SLC37A1: variants seen among roughly 807,000 people sequenced by gnomAD.
SLC37A1 encodes solute carrier family 37 member 1.
In SLC37A1, 49 loss-of-function variants were observed where a neutral mutation model predicts 75.3. The ratio of observed to expected loss-of-function variants is 0.65; its 90% CI spans 0.52 to 0.83. SLC37A1 has a LOEUF of 0.83. SLC37A1 is among the 40% of genes least tolerant of loss of function. The pLI is 0.00. For missense variants in SLC37A1, 566 were observed against 695.0 expected, an observed-to-expected ratio of 0.81 and a Z score of 2.09; for synonymous variants, 268 against 292.1, an observed-to-expected ratio of 0.92 and a Z score of 0.84.
intron 2 of SLC37A1, among the ~76,000 whole-genome samples, chr21:42,524,610 A>G (rs1010052043): frequency 6.6e-6 from 1 of 152,248 alleles, no homozygotes; most frequent in Non-Finnish European, 1.5e-5. Flanking sequence ...TGCCCAGGAT[A>G]GCAGGCTACG....
Position 42,547,197 on chromosome 21 carries a change from C to T in SLC37A1, c.768+57C>T. 1.3e-6 allele frequency: 2 copies of T among 1,592,768 alleles called. No individual in the cohort carries two copies. Among genetic ancestry groups the T allele is most frequent in the Admixed American group, 1.7e-5 (1 of 59,978 alleles). ...AACAGTGTGCGGTTCTGACCACTTC[C>T]CCAGCCTGCTCCTGCCTGTGCGGTG... On this transcript the variant is annotated intron_variant, in intron 9 of 19. Coordinates refer to ENST00000352133, the MANE Select transcript of SLC37A1 (RefSeq NM_001320537.2). The surrounding 1 kb of genome is among the most constrained non-coding windows in gnomAD (Gnocchi z 6.1).
intron 6 of SLC37A1, among the ~76,000 whole-genome samples, chr21:42,540,234 A>T (rs1322932473): frequency 6.6e-6 from 1 of 152,246 alleles, no homozygotes; most frequent in East Asian, 1.9e-4. Flanking sequence ...GTCTGTCCAC[A>T]GTGAGGGGTT....
chr21:42,506,859 G>A (rs1473892248), intron 2 of SLC37A1, among the ~76,000 whole-genome samples: 1 of 152,052 alleles, frequency 6.6e-6, no homozygotes, highest in Non-Finnish European at 1.5e-5. Flanking sequence ...TAATATTCAG[G>A]AAAGAATATC....
intron 17 of SLC37A1, among the ~76,000 whole-genome samples, chr21:42,569,239 T>C (rs956368362): frequency 3.2e-4 from 49 of 152,226 alleles, no homozygotes; most frequent in Admixed American, 2.9e-3. Context: ...CAGAACCTGG[T>C]GCTGGAGCCT....
chr21:42,531,717 T>G (rs2054986613), intron 3 of SLC37A1, among the ~76,000 whole-genome samples: 1 of 146,996 alleles, frequency 6.8e-6, no homozygotes, highest in Admixed American at 6.7e-5. Context: ...TTAACCTAAT[T>G]AAGTTTGCAT....
rs998118970 is a variant in SLC37A1 at position 42,575,074 on chromosome 21, C to G, written c.1521+159C>G. 9.5e-5 allele frequency: 94 copies of G among 985,348 alleles called. 1 individual carries two copies. Among genetic ancestry groups the G allele is most frequent in the Non-Finnish European group, 1.1e-4 (90 of 829,938 alleles). The allele number at this position is 985,348 out of a possible 1,614,324, so 61.0% of individuals were successfully genotyped here. The stretch of plus-strand genomic sequence containing the variant: ...ATGCGTGGTCTAAAGCTCCTTCTCT[C>G]TCTGATTAGAAAAAGTCAGAAACAG... On this transcript the variant is annotated intron_variant, in intron 18 of 19. Coordinates refer to ENST00000352133, the MANE Select transcript of SLC37A1 (RefSeq NM_001320537.2).
chr21:42,534,693 C>T lies in SLC37A1; in HGVS notation c.139-5C>T. On this transcript the variant is annotated splice_polypyrimidine_tract_variant and splice_region_variant and intron_variant, in intron 3 of 19. Transcript: ENST00000352133. ...CCCTGCTTCTGCCCTCCCATCACGT[C>T]CCAGGGTGAGCTCCACAAGTACTGC... is the stretch of plus-strand genomic sequence containing the variant. The T allele has an allele frequency of 6.2e-7, 1 of 1,609,170 alleles. No individual in the cohort carries two copies. Among genetic ancestry groups the T allele is most frequent in the Non-Finnish European group, 8.5e-7 (1 of 1,176,724 alleles).
intron 17 of SLC37A1, among the ~76,000 whole-genome samples, chr21:42,570,568 C>T (rs1485643060): frequency 1.3e-5 from 2 of 152,222 alleles, no homozygotes; most frequent in Admixed American, 1.3e-4. Context: ...GTGGCCTTCT[C>T]TTGGCCTTGT....
At chr21:42,530,771 A>T (rs925474138) in intron 3 of SLC37A1, among the ~76,000 whole-genome samples, 1 of 151,936 alleles carries the variant, frequency 6.6e-6, no homozygotes, top group African/African-American at 2.4e-5. Flanking sequence ...GTTGCCTTTC[A>T]GTGGCTCCTG....
intron 10 of SLC37A1, among the ~76,000 whole-genome samples, chr21:42,557,105 G>A (rs1045646950): frequency 6.6e-6 from 1 of 152,236 alleles, no homozygotes; most frequent in Non-Finnish European, 1.5e-5. Flanking sequence ...GTGTTGACCT[G>A]CGGTCACTTC....
intron 2 of SLC37A1, among the ~76,000 whole-genome samples, chr21:42,503,375 G>C (rs918536909): frequency 6.7e-6 from 1 of 149,178 alleles, no homozygotes; most frequent in African/African-American, 2.5e-5. Flanking sequence ...TCAGCCTCCC[G>C]AGTACCTGGG....
At chr21:42,566,264 C>T (rs913627313) in intron 15 of SLC37A1, among the ~76,000 whole-genome samples, 3 of 152,248 alleles carry the variant, frequency 2.0e-5, no homozygotes, top group Admixed American at 2.0e-4. Flanking sequence ...GAGAGCAGCT[C>T]AGGCTGGCTC....
Position 42,554,173 on chromosome 21 carries a change from A to G in SLC37A1, c.849+31A>G, listed in dbSNP as rs369276018. ...TCACACACAACTTCCACTTCCTAGA[A>G]TGTCGGAGCTGCAGGAAAACTCCTT... is the stretch of plus-strand genomic sequence containing the variant. On this transcript the variant is annotated intron_variant, in intron 10 of 19. Transcript: ENST00000352133. 3.1e-6 allele frequency: 5 copies of G among 1,601,744 alleles called. No individual in the cohort carries two copies. The African/African-American group carries it at 6.7e-5, about 22-fold the overall frequency.
At chr21:42,525,931 A>G (rs1032382477) in intron 3 of SLC37A1, 74 bp downstream of exon 3, 2 of 1,102,128 alleles carry the variant, frequency 1.8e-6, no homozygotes, top group Non-Finnish European at 2.8e-6. Context: ...GGGGCAGAGG[A>G]TGGGGATGGT....
intron 17 of SLC37A1, among the ~76,000 whole-genome samples, chr21:42,569,222 G>T (rs1456852041): frequency 6.6e-6 from 1 of 152,200 alleles, no homozygotes; most frequent in Non-Finnish European, 1.5e-5. Flanking sequence ...GGTAGACCCA[G>T]GTCAGCCAGA....
At chr21:42,579,839 C>T (rs375869328) in intron 19 of SLC37A1, 39 bp downstream of exon 19, 92 of 1,606,322 alleles carry the variant, frequency 5.7e-5, no homozygotes, top group East Asian at 6.7e-5. Flanking sequence ...GCGTGAAAGC[C>T]GGCTCCAAAG....
At position 42,518,424 on chromosome 21, in the gene SLC37A1, G is replaced by T; in HGVS notation, c.-31G>T. 1 of 1,613,874 alleles carries T rather than the reference G, an allele frequency of 6.2e-7. No homozygotes were observed. The highest frequency in any genetic ancestry group is 1.1e-5 in the South Asian group (1 of 91,042). On this transcript the variant is annotated 5_prime_UTR_variant, in exon 2 of 20. Transcript: ENST00000352133. ...TCATTTATGAAGCATCTTATTCTGC[G>T]ACCGAGGCTCAGTGGTCAGTGGCGA...
At chr21:42,531,726 A>ATTGTCTCG (rs1269182011) in intron 3 of SLC37A1, among the ~76,000 whole-genome samples, 6 of 152,198 alleles carry the variant, frequency 3.9e-5, no homozygotes, top group Admixed American at 1.3e-4. Flanking sequence ...TTAAGTTTGC[A>ATTGTCTCG]TTGTCTCTGG....
At chr21:42,535,024 A>G (rs1246055384) in intron 4 of SLC37A1, among the ~76,000 whole-genome samples, 194 bp downstream of exon 4, 1 of 152,220 alleles carries the variant, frequency 6.6e-6, no homozygotes, top group Non-Finnish European at 1.5e-5. Context: ...CTCCTGAAAG[A>G]AGGTTCTCTT....
Sources: gnomAD v4.1 joint callset for allele counts (sites outside exome capture counted in the v4.1 genomes callset) on GRCh38, gnomAD v4.1.1 for gene constraint, Gnocchi (gnomAD v3.1) non-coding constraint, MANE v1.5 for transcripts, NCBI Gene and HGNC (gene_info 2026-07-23, HGNC 2026-07-21) for gene names.